Variants in ROBO2 observed in about 807,000 individuals in gnomAD.
ROBO2 encodes the protein roundabout homolog 2.
A neutral mutation model predicts 160.8 loss-of-function variants in ROBO2; 53 were observed. The observed-to-expected ratio is 0.33, with a 90% confidence interval of 0.26 to 0.41. The LOEUF (loss-of-function observed/expected upper bound fraction) is 0.41, where lower values mean the gene tolerates loss of function less well. ROBO2 is among the 10% of genes least tolerant of loss of function. The probability of loss-of-function intolerance (pLI) is 1.00; values close to 1 mark genes in which losing one functional copy is unlikely to be tolerated. For missense variants in ROBO2, 1,577 were observed against 1,722.4 expected (o/e 0.92, Z 1.49); for synonymous variants, 664 against 611.7 (o/e 1.09, Z -1.26).
intron 2 of ROBO2, among the ~76,000 whole-genome samples, chr3:76,062,793 T>C (rs2068112248): frequency 6.6e-6 from 1 of 152,154 alleles, no homozygotes; most frequent in South Asian, 2.1e-4. Context: ...TTTGCTTTGT[T>C]TTTCCCCCAG....
intron 1 of ROBO2, among the ~76,000 whole-genome samples, chr3:77,060,628 G>A (rs1277037219): frequency 6.6e-6 from 1 of 152,052 alleles, no homozygotes; most frequent in Non-Finnish European, 1.5e-5. Context: ...GCTTTCCCTA[G>A]ACCACCTCCT....
intron 2 of ROBO2, among the ~76,000 whole-genome samples, chr3:76,579,115 T>C (rs138642481): frequency 6.6e-6 from 1 of 152,274 alleles, no homozygotes; most frequent in African/African-American, 2.4e-5. Flanking sequence ...TATTTTCTTT[T>C]ATATTCTGCT....
chr3:77,186,285 T>C (rs1361994818), intron 2 of ROBO2, among the ~76,000 whole-genome samples: 1 of 151,944 alleles, frequency 6.6e-6, no homozygotes, highest in Non-Finnish European at 1.5e-5. Flanking sequence ...GGAAAGACCT[T>C]TGGTTTTGAA....
At chr3:76,105,511 T>C (rs2069884644) in intron 2 of ROBO2, among the ~76,000 whole-genome samples, 1 of 152,144 alleles carries the variant, frequency 6.6e-6, no homozygotes, top group East Asian at 1.9e-4. Context: ...ATTTCTTCAT[T>C]GTTGGAATTT....
chr3:75,950,877 T>C (rs1222181626), intron 2 of ROBO2, among the ~76,000 whole-genome samples: 1 of 152,108 alleles, frequency 6.6e-6, no homozygotes, highest in Non-Finnish European at 1.5e-5. Flanking sequence ...CATTGCGTCC[T>C]GAGCTGACAG....
chr3:76,214,950 C>T (rs1023847447), intron 2 of ROBO2, among the ~76,000 whole-genome samples: 1 of 152,118 alleles, frequency 6.6e-6, no homozygotes, highest in Non-Finnish European at 1.5e-5. Context: ...GCAGGGTACT[C>T]CTCTGAGACA....
At chr3:76,719,742 G>C (rs1323701419) in intron 2 of ROBO2, among the ~76,000 whole-genome samples, 1 of 151,990 alleles carries the variant, frequency 6.6e-6, no homozygotes, top group East Asian at 1.9e-4. Flanking sequence ...AAATTAGCTG[G>C]GTGTGGTGGT....
intron 2 of ROBO2, among the ~76,000 whole-genome samples, chr3:76,559,041 C>T (rs1208586812): frequency 2.0e-5 from 3 of 152,094 alleles, no homozygotes; most frequent in Non-Finnish European, 4.4e-5. Context: ...CTCATTTCTA[C>T]ACACAGCACA....
intron 2 of ROBO2, among the ~76,000 whole-genome samples, chr3:76,492,024 G>A (rs1305329323): frequency 6.6e-6 from 1 of 152,174 alleles, no homozygotes; most frequent in African/African-American, 2.4e-5. Flanking sequence ...GCTGAGGCAG[G>A]AGGATCGCTT....
intron 17 of ROBO2, among the ~76,000 whole-genome samples, chr3:77,589,688 G>C (rs144888306): frequency 1.1e-3 from 172 of 152,114 alleles, no homozygotes; most frequent in African/African-American, 3.8e-3. Context: ...AGAAGAGAGA[G>C]AGGACACACA....
chr3:77,548,573 G>A (rs1170791719), intron 7 of ROBO2, among the ~76,000 whole-genome samples: 1 of 151,872 alleles, frequency 6.6e-6, no homozygotes, highest in Non-Finnish European at 1.5e-5. Context: ...AATAAACATA[G>A]GATATTTAAA....
At chr3:77,465,737 T>C (rs933014457) in intron 2 of ROBO2, among the ~76,000 whole-genome samples, 1 of 152,202 alleles carries the variant, frequency 6.6e-6, no homozygotes, top group African/African-American at 2.4e-5. Context: ...GAGAACTCAG[T>C]ATTACTTATA....
Position 77,424,475 on chromosome 3 carries a change from G to A in ROBO2, c.389-52939G>A, listed in dbSNP as rs548233796. On this transcript the variant is annotated intron_variant, in intron 2 of 25. Coordinates refer to ENST00000461745, the Ensembl canonical transcript of ROBO2. ...GATACAATATATGTGAAATTCTGGAGACTATTCCTTTGAGATTGAAAAGCG... is the reference window on the plus strand; with the variant it reads ...GATACAATATATGTGAAATTCTGGAAACTATTCCTTTGAGATTGAAAAGCG... Among the ~76,000 whole-genome samples the A allele has an allele frequency of 5.3e-5, 8 of 152,278 alleles. 1 individual carries two copies. Among genetic ancestry groups the A allele is most frequent in the African/African-American group, 9.6e-5 (4 of 41,576 alleles).
chr3:76,314,309 T>C (rs996246500), intron 2 of ROBO2, among the ~76,000 whole-genome samples: 1 of 152,156 alleles, frequency 6.6e-6, no homozygotes, highest in Non-Finnish European at 1.5e-5. Context: ...TTATTTTATG[T>C]TCGATTACCT....
chr3:76,706,999 T>C (rs918062792), intron 2 of ROBO2, among the ~76,000 whole-genome samples: 27 of 150,620 alleles, frequency 1.8e-4, no homozygotes, highest in Non-Finnish European at 3.4e-4. Context: ...CTAAAGTGTC[T>C]TTGTGTGTAT....
At chr3:76,494,125 G>T (rs1314379906) in intron 2 of ROBO2, among the ~76,000 whole-genome samples, 1 of 152,156 alleles carries the variant, frequency 6.6e-6, no homozygotes, top group Non-Finnish European at 1.5e-5. Flanking sequence ...ATAAAAGGTG[G>T]AAACAGCCCA....
intron 2 of ROBO2, among the ~76,000 whole-genome samples, chr3:77,283,015 G>A (rs1479636949): frequency 6.6e-6 from 1 of 150,382 alleles, no homozygotes; most frequent in Non-Finnish European, 1.5e-5. Flanking sequence ...TGTCAATTAT[G>A]GCAAAAATAT....
chr3:77,178,913 T>C (rs567290841), intron 2 of ROBO2, among the ~76,000 whole-genome samples: 5 of 152,138 alleles, frequency 3.3e-5, no homozygotes, highest in African/African-American at 1.2e-4. Flanking sequence ...AGCATTAGTC[T>C]TACTCGAGGC....
intron 2 of ROBO2, among the ~76,000 whole-genome samples, chr3:76,139,545 C>T (rs2071552926): frequency 6.6e-6 from 1 of 151,776 alleles, no homozygotes. Flanking sequence ...GCAAGAAGGT[C>T]CTGCAGTGGA....
Sources: allele counts gnomAD v4.1 joint callset (sites outside exome capture counted in the v4.1 genomes callset), GRCh38; gene constraint gnomAD v4.1.1; transcripts MANE v1.5; gene names NCBI Gene and HGNC (gene_info 2026-07-23, HGNC 2026-07-21).